Variants in AGO2 observed in about 807,000 individuals in gnomAD.
AGO2 encodes protein argonaute-2.
In AGO2, 5 loss-of-function variants were observed where a neutral mutation model predicts 102.3. That is an observed-to-expected ratio of 0.05 (90% CI 0.03 to 0.10). The LOEUF (loss-of-function observed/expected upper bound fraction) is 0.10. Among genes scored for constraint, AGO2 ranks in the 10% least tolerant of loss-of-function variants. AGO2 has a pLI of 1.00. For missense variants in AGO2, 541 were observed against 1,183.7 expected (o/e 0.46, Z 7.97); for synonymous variants, 449 against 473.1 (o/e 0.95, Z 0.66).
In AGO2 at chr8:140,559,328, G is replaced by A. The variant is rs974602165; in HGVS notation, c.790+67C>T. The stretch of plus-strand genomic sequence containing the variant: ...CACAAGAACCAGAACTGCAAAATGC[G>A]GTCCCGGAGGCGGACCGGGAAGGGG... On this transcript the variant is annotated intron_variant, in intron 6 of 18. Coordinates refer to ENST00000220592, the MANE Select transcript of AGO2 (RefSeq NM_012154.5). 1.1e-4 allele frequency: 173 copies of A among 1,577,560 alleles called. 1 individual carries two copies. The highest frequency in any genetic ancestry group is 2.0e-4 in the African/African-American group (15 of 73,536).
chr8:140,617,105 C>T (rs1221279359), intron 1 of AGO2, among the ~76,000 whole-genome samples: 3 of 152,148 alleles, frequency 2.0e-5, no homozygotes, highest in Admixed American at 6.5e-5. Context: ...CTTGTCAGAC[C>T]CTGTAAGGAA....
intron 1 of AGO2, among the ~76,000 whole-genome samples, chr8:140,616,063 C>T (rs1276835887): frequency 2.0e-5 from 3 of 152,216 alleles, no homozygotes; most frequent in East Asian, 3.8e-4. Flanking sequence ...TTCCTCAGAA[C>T]AAGGTTTGCA....
chr8:140,607,477 T>C (rs1228481365), intron 1 of AGO2, among the ~76,000 whole-genome samples: 1 of 19,530 alleles, frequency 5.1e-5, no homozygotes, highest in Non-Finnish European at 9.3e-5. Flanking sequence ...TATATATATA[T>C]ATATATATAT....
At chr8:140,574,784 G>A (rs1397823939) in intron 2 of AGO2, among the ~76,000 whole-genome samples, 1 of 152,186 alleles carries the variant, frequency 6.6e-6, no homozygotes. Context: ...TCCACCAGCA[G>A]GGTAAGGTGG....
Position 140,572,794 on chromosome 8 carries a change from G to C in AGO2, c.336+18C>G, listed in dbSNP as rs1349589799. 2 of 1,606,790 alleles carry C rather than the reference G, an allele frequency of 1.2e-6. No individual in the cohort carries two copies. Among genetic ancestry groups the C allele is most frequent in the South Asian group, 2.2e-5 (2 of 89,236 alleles). On this transcript the variant is annotated intron_variant, in intron 3 of 18. Transcript: ENST00000220592. ...TTCACCGTATGTTACTCCACCAAGG[G>C]CATCCCGGCGAGCTTACCTTGTCCC... is the stretch of plus-strand genomic sequence containing the variant.
intron 1 of AGO2, among the ~76,000 whole-genome samples, chr8:140,601,490 C>G (rs1387118949): frequency 1.3e-5 from 2 of 152,252 alleles, no homozygotes; most frequent in African/African-American, 4.8e-5. Context: ...TACCCCAGGG[C>G]TTAGAATCAT....
intron 1 of AGO2, among the ~76,000 whole-genome samples, chr8:140,603,238 C>T (rs557095042): frequency 1.5e-4 from 23 of 152,266 alleles, no homozygotes; most frequent in African/African-American, 1.9e-4. Context: ...CAGATCTCAT[C>T]GGGAAGTCTG....
intron 1 of AGO2, among the ~76,000 whole-genome samples, chr8:140,613,545 T>G (rs1226789444): frequency 6.6e-6 from 1 of 152,192 alleles, no homozygotes; most frequent in East Asian, 1.9e-4. Context: ...GCTGAAGAGC[T>G]GCCGTCTGAA....
At chr8:140,618,693 C>T (rs1473146791) in intron 1 of AGO2, among the ~76,000 whole-genome samples, 18 of 151,060 alleles carry the variant, frequency 1.2e-4, no homozygotes, top group Admixed American at 3.3e-4. Flanking sequence ...GCCAGGGTGG[C>T]GGGGTGCACC....
At chr8:140,584,351 T>C (rs2073612832) in intron 2 of AGO2, among the ~76,000 whole-genome samples, 2 of 150,226 alleles carry the variant, frequency 1.3e-5, no homozygotes, top group African/African-American at 2.5e-5. Flanking sequence ...CTGGTGGGGG[T>C]GGGTGGCCTT....
At chr8:140,642,313 G>T in the AGO2 span, among the ~76,000 whole-genome samples, 2 of 152,192 alleles carry the variant, frequency 1.3e-5, no homozygotes. Context: ...GGCAGCGGGT[G>T]GAGTGTGCAG....
chr8:140,559,677 C>A (rs1451843740), intron 5 of AGO2, 148 bp from the exon 6 acceptor site: 4 of 1,048,538 alleles, frequency 3.8e-6, no homozygotes, highest in Non-Finnish European at 5.5e-6. Flanking sequence ...TAGCCTCAGG[C>A]CCAGACACGG....
Position 140,528,658 on chromosome 8 carries a change from T to C in AGO2, c.*3386A>G, listed in dbSNP as rs2072541307. On this transcript the variant is annotated 3_prime_UTR_variant, in exon 19 of 19. Coordinates refer to ENST00000220592, the MANE Select transcript of AGO2 (RefSeq NM_012154.5). This position sits in a 1 kb window ranked among gnomAD's most constrained non-coding sequence, Gnocchi z 4.5. ...CTGGAAAAGAAAAGGGAGACCCTGA[T>C]GTGCAATCAAAAGGCTGCATGTAAA... 6.6e-6 allele frequency: 1 copy of C among 152,110 alleles called. No homozygotes were observed. Among genetic ancestry groups the C allele is most frequent in the Admixed American group, 6.6e-5 (1 of 15,264 alleles). The allele number at this position is 152,110 out of a possible 1,614,324, so 9.4% of individuals were successfully genotyped here.
In AGO2 at chr8:140,527,403, C is replaced by T. The variant is rs923197712; in HGVS notation, c.*4641G>A. 1 of 152,740 alleles carries T rather than the reference C, an allele frequency of 6.5e-6. No individual in the cohort carries two copies. The highest frequency in any genetic ancestry group is 2.4e-5 in the African/African-American group (1 of 41,440). The allele number at this position is 152,740 out of a possible 1,614,324, so 9.5% of individuals were successfully genotyped here. ...CTACCACAAATCTATTTACAATCAT[C>T]TCAAACAAGTACAGCAGATGCGAAG... On this transcript the variant is annotated 3_prime_UTR_variant, in exon 19 of 19. Transcript: ENST00000220592. The surrounding 1 kb of genome is among the most constrained non-coding windows in gnomAD (Gnocchi z 6.0).
At chr8:140,621,104 C>G (rs533077063) in intron 1 of AGO2, among the ~76,000 whole-genome samples, 45 of 152,160 alleles carry the variant, frequency 3.0e-4, no homozygotes, top group Admixed American at 1.2e-3. Flanking sequence ...CACATTTGCT[C>G]CATCTCTCCA....
At chr8:140,602,002 C>T (rs2073940593) in intron 1 of AGO2, among the ~76,000 whole-genome samples, 1 of 152,180 alleles carries the variant, frequency 6.6e-6, no homozygotes, top group African/African-American at 2.4e-5. Context: ...GCTAAGCCCA[C>T]ACAGCCCTGG....
chr8:140,615,490 C>T (rs1272371430), intron 1 of AGO2, among the ~76,000 whole-genome samples: 1 of 152,234 alleles, frequency 6.6e-6, no homozygotes, highest in Non-Finnish European at 1.5e-5. Flanking sequence ...CGCTCAGAGC[C>T]CTCTGAAGGG....
At position 140,557,350 on chromosome 8, in the gene AGO2, C is replaced by T. The variant is rs1479512177; in HGVS notation, c.879-114G>A. ...ACGTGTGAGGAGCAAACATTCAGAG[C>T]ACTTCCGGGAGTGAAAACCATGTCA... On this transcript the variant is annotated intron_variant, in intron 7 of 18. Transcript: ENST00000220592. The surrounding 1 kb of genome is among the most constrained non-coding windows in gnomAD (Gnocchi z 5.9). The T allele has an allele frequency of 5.4e-6, 7 of 1,299,680 alleles. No individual in the cohort carries two copies. In the East Asian group the frequency reaches 1.5e-4, roughly 28 times the overall value. 80.5% of individuals were successfully genotyped at this position (1,299,680 alleles called of 1,614,324 possible). A position where few individuals can be genotyped will look rare whatever the true frequency, so the allele number is the denominator to read the frequency against.
intron 5 of AGO2, 119 bp downstream of exon 5, chr8:140,560,255 G>A (rs532177098): frequency 5.6e-6 from 8 of 1,420,310 alleles, no homozygotes; most frequent in East Asian, 4.7e-5. Flanking sequence ...ACGCAGCGGC[G>A]CTGGCTCTGA....
Sources: allele counts gnomAD v4.1 joint callset (sites outside exome capture counted in the v4.1 genomes callset), GRCh38; gene constraint gnomAD v4.1.1; non-coding constraint Gnocchi (gnomAD v3.1); transcripts MANE v1.5; gene names NCBI Gene and HGNC (gene_info 2026-07-23, HGNC 2026-07-21).